Variants in PPEF1 observed in about 807,000 individuals in gnomAD.
PPEF1 encodes protein phosphatase with EF-hand domain 1.
In PPEF1, 12 loss-of-function variants were observed where a neutral mutation model predicts 53.3. The observed-to-expected ratio is 0.23, with a 90% CI of 0.14 to 0.36. PPEF1 has a LOEUF of 0.36. PPEF1 is among the 10% of genes least tolerant of loss of function. The pLI is 1.00. For missense variants in PPEF1, 334 were observed against 490.4 expected (o/e 0.68, Z 3.01); for synonymous variants, 165 against 176.7 (o/e 0.93, Z 0.52).
At chrX:18,681,336 C>T (rs1210975602), upstream of PPEF1, among the ~76,000 whole-genome samples, 1 of 111,967 alleles carries the variant, frequency 8.9e-6, no homozygotes, top group African/African-American at 3.2e-5. Flanking sequence ...CCACCATCCT[C>T]GACTGGAATG....
At chrX:18,737,963 T>G (rs1438395688) in intron 3 of PPEF1, among the ~76,000 whole-genome samples, 1 of 111,347 alleles carries the variant, frequency 9.0e-6, no homozygotes, top group African/African-American at 3.3e-5. Flanking sequence ...TTTTTTTTGT[T>G]TTCCATTTGC....
At chrX:18,710,600 G>A (rs73458625) in intron 1 of PPEF1, among the ~76,000 whole-genome samples, 11,328 of 111,310 alleles carry the variant, frequency 0.1, 1,077 homozygotes, top group African/African-American at 0.3. Context: ...TAATCATCAG[G>A]TAAATGCAAA....
At chrX:18,819,157 C>G (rs1220810754) in intron 13 of PPEF1, among the ~76,000 whole-genome samples, 1 of 111,703 alleles carries the variant, frequency 9.0e-6, no homozygotes, top group Non-Finnish European at 1.9e-5. Flanking sequence ...AACAAGGATA[C>G]AAACTACCAT....
At chrX:18,807,327 G>A (rs1337818592) in intron 12 of PPEF1, among the ~76,000 whole-genome samples, 3 of 111,404 alleles carry the variant, frequency 2.7e-5, no homozygotes, top group South Asian at 3.8e-4. Context: ...CACTGCGCCC[G>A]GTCTAAGATT....
intron 5 of PPEF1, among the ~76,000 whole-genome samples, chrX:18,699,778 G>T (rs1309390218): frequency 9.0e-6 from 1 of 111,694 alleles, no homozygotes; most frequent in Non-Finnish European, 1.9e-5. Context: ...CCCAGTGGCT[G>T]CTCCCTCAAA....
At chrX:18,785,705 A>G (rs2046184938) in intron 9 of PPEF1, among the ~76,000 whole-genome samples, 1 of 111,022 alleles carries the variant, frequency 9.0e-6, no homozygotes, top group Non-Finnish European at 1.9e-5. Context: ...CAACATAGCA[A>G]GATGTCATCT....
intron 12 of PPEF1, among the ~76,000 whole-genome samples, chrX:18,811,689 C>G (rs2046815033): frequency 9.7e-6 from 1 of 103,239 alleles, no homozygotes; most frequent in South Asian, 4.6e-4. Context: ...CTCACTGCAG[C>G]CTTGGCCTGC....
At chrX:18,731,902 T>A (rs934365509) in intron 2 of PPEF1, among the ~76,000 whole-genome samples, 1 of 112,271 alleles carries the variant, frequency 8.9e-6, no homozygotes, top group Admixed American at 9.5e-5. Context: ...TTATTTATTT[T>A]TTTGAGACAG....
chrX:18,688,203 T>G (rs1427857397), intron 3 of PPEF1, among the ~76,000 whole-genome samples: 1 of 112,227 alleles, frequency 8.9e-6, no homozygotes, highest in African/African-American at 3.2e-5. Flanking sequence ...CTATATTAAC[T>G]TCATAACCTT....
Position 18,712,247 on chromosome X carries a change from G to T in PPEF1, c.46+4421G>T, listed in dbSNP as rs770097430. Among the ~76,000 whole-genome samples the T allele has an allele frequency of 3.6e-5, 4 of 111,528 alleles. No homozygotes were observed. In the South Asian group the frequency reaches 1.1e-3, roughly 31 times the overall value. ...TTGTGTTGAATCTGTAGATCAATTT[G>T]GGGAGTATTGCTATATTAACAATTA... On this transcript the variant is annotated intron_variant, in intron 1 of 15. Transcript: ENST00000470157.
At chrX:18,739,208 A>G (rs1306857380) in intron 3 of PPEF1, among the ~76,000 whole-genome samples, 2 of 111,979 alleles carry the variant, frequency 1.8e-5, no homozygotes, top group African/African-American at 3.2e-5. Context: ...GAGAAGAGGC[A>G]CTCTGAGTTT....
intron 1 of PPEF1, among the ~76,000 whole-genome samples, chrX:18,720,408 G>A (rs1461473643): frequency 9.0e-6 from 1 of 111,046 alleles, no homozygotes; most frequent in South Asian, 3.8e-4. Context: ...CCTGGCCAAC[G>A]TGATGAAACC....
intron 3 of PPEF1, among the ~76,000 whole-genome samples, chrX:18,740,552 G>C: frequency 9.1e-6 from 1 of 110,224 alleles, no homozygotes; most frequent in Middle Eastern, 4.6e-3. Flanking sequence ...TGGGATTACA[G>C]GTGCTTGCTA....
intron 6 of PPEF1, among the ~76,000 whole-genome samples, chrX:18,765,920 C>T (rs888029284): frequency 3.7e-5 from 4 of 107,933 alleles, no homozygotes; most frequent in African/African-American, 6.8e-5. Flanking sequence ...CAAAAATTAG[C>T]CAGATGTGGT....
chrX:18,760,168 G>A (rs1030716715), intron 5 of PPEF1, among the ~76,000 whole-genome samples: 2 of 110,820 alleles, frequency 1.8e-5, no homozygotes, highest in Non-Finnish European at 3.8e-5. Context: ...TGTATTTTTA[G>A]TAGAGACAGG....
chrX:18,821,222 CAA>C (rs55725180), intron 13 of PPEF1, among the ~76,000 whole-genome samples: 65 of 55,188 alleles, frequency 1.2e-3, no homozygotes, highest in African/African-American at 2.9e-3. Context: ...GACTCTGTCT[CAA>C]AAAAAAAAAA....
intron 1 of PPEF1, among the ~76,000 whole-genome samples, chrX:18,725,715 G>A (rs111466208): frequency 8.9e-6 from 1 of 111,742 alleles, no homozygotes; most frequent in African/African-American, 3.3e-5. Flanking sequence ...ATGTGTGCTC[G>A]GGTACAGGCG....
chrX:18,792,052 C>T lies in PPEF1; in HGVS notation c.1065+2779C>T, dbSNP rs143493280. On this transcript the variant is annotated intron_variant, in intron 10 of 15. Transcript: ENST00000470157. ...TCCCACTTGGTCATGATGTATAATC[C>T]ACCTTCTATGTTGCTGGTTTCCATT... 6.8e-3 allele frequency among the ~76,000 whole-genome samples: 764 copies of T among 112,091 alleles called. 6 individuals carry two copies. Among genetic ancestry groups the T allele is most frequent in the African/African-American group, 0.023 (702 of 30,979 alleles).
At chrX:18,681,281 G>A (rs1928876360), upstream of PPEF1, among the ~76,000 whole-genome samples, 1 of 111,736 alleles carries the variant, frequency 8.9e-6, no homozygotes, top group African/African-American at 3.3e-5. Flanking sequence ...CTGGCCTGCA[G>A]CACTAAATTT....
Sources: allele counts gnomAD v4.1 joint callset (sites outside exome capture counted in the v4.1 genomes callset), GRCh38; gene constraint gnomAD v4.1.1; transcripts MANE v1.5; gene names NCBI Gene and HGNC (gene_info 2026-07-23, HGNC 2026-07-21).